Variants in POLE4 observed in about 807,000 individuals in gnomAD.
POLE4 encodes the protein DNA polymerase epsilon 4, accessory subunit.
Under a neutral mutation model 15.6 loss-of-function variants are expected in POLE4, and 15 were observed. The observed-to-expected ratio is 0.96, with a 90% CI of 0.64 to 1.48. POLE4 has a LOEUF of 1.48. Among genes scored for constraint, POLE4 ranks in the 40% most tolerant of loss-of-function variants. POLE4 has a pLI of 0.00. For missense variants in POLE4, 205 were observed against 151.9 expected (o/e 1.35, Z -1.84); for synonymous variants, 83 against 63.2 (o/e 1.31, Z -1.49).
chr2:74,965,012 A>G (rs1360839671), intron 3 of POLE4, among the ~76,000 whole-genome samples: 1 of 151,814 alleles, frequency 6.6e-6, no homozygotes, highest in Non-Finnish European at 1.5e-5. Flanking sequence ...ATCCCTGTTT[A>G]TAAAAGAGAT....
chr2:74,960,178 G>A lies in POLE4; in HGVS notation c.340+32G>A, dbSNP rs141804663. 4.6e-4 allele frequency: 729 copies of A among 1,578,128 alleles called. 5 individuals carry two copies. In the African/African-American group the frequency reaches 7.6e-3, roughly 17 times the overall value. ...TCCCTCTCAGTGGGCAATCATTTCCGCCTGTCTTTTGCATGTTGATGTGAA... is the reference window on the plus strand; with the variant it reads ...TCCCTCTCAGTGGGCAATCATTTCCACCTGTCTTTTGCATGTTGATGTGAA... On this transcript the variant is annotated intron_variant, in intron 3 of 3. Transcript: ENST00000483063.
chr2:74,969,110 ATTCTT>A (rs1419611723), intron 3 of POLE4, among the ~76,000 whole-genome samples: 1 of 152,116 alleles, frequency 6.6e-6, no homozygotes, highest in Non-Finnish European at 1.5e-5. Flanking sequence ...TTTATTTTAT[ATTCTT>A]TTCTTATATG....
intron 3 of POLE4, among the ~76,000 whole-genome samples, chr2:74,964,635 TG>T (rs1671270974): frequency 6.6e-6 from 1 of 152,174 alleles, no homozygotes; most frequent in African/African-American, 2.4e-5. Flanking sequence ...GAAATATAAT[TG>T]ATTTTATGTT....
intron 2 of POLE4, 35 bp downstream of exon 2, chr2:74,959,460 G>T: frequency 7.2e-7 from 1 of 1,382,080 alleles, no homozygotes; most frequent in Non-Finnish European, 1.0e-6. Context: ...GGACAGACAA[G>T]GGAGGGCTGG....
intron 1 of POLE4, chr2:74,959,110 T>C: frequency 3.3e-6 from 2 of 609,322 alleles, no homozygotes; most frequent in Non-Finnish European, 5.8e-6. Flanking sequence ...CTTTAATTTG[T>C]ATCTCCAGGG....
At position 74,958,673 on chromosome 2, in the gene POLE4, G is replaced by C. The variant is rs373028668; in HGVS notation, c.-7G>C. 5 of 1,450,246 alleles carry C rather than the reference G, an allele frequency of 3.4e-6. No homozygotes were observed. Among genetic ancestry groups the C allele is most frequent in the Non-Finnish European group, 4.5e-6 (5 of 1,107,958 alleles). 89.8% of individuals were successfully genotyped at this position (1,450,246 alleles called of 1,614,324 possible). On this transcript the variant is annotated 5_prime_UTR_variant, in exon 1 of 4. Transcript: ENST00000483063. ...CGGCGGCCGCGCGCAGCACGCTCAAGGCCGGGATGGCGGCGGCGGCGGCGG... is the reference window on the plus strand; with the variant it reads ...CGGCGGCCGCGCGCAGCACGCTCAACGCCGGGATGGCGGCGGCGGCGGCGG...
rs1671158374 is a variant in POLE4 at position 74,958,649 on chromosome 2, G to C, written c.-31G>C. ...CTGCGCCGCATGCGCGCGCACAGTCGGCGGCCGCGCGCAGCACGCTCAAGG... is the reference window on the plus strand; with the variant it reads ...CTGCGCCGCATGCGCGCGCACAGTCCGCGGCCGCGCGCAGCACGCTCAAGG... On this transcript the variant is annotated 5_prime_UTR_variant, in exon 1 of 4. Transcript: ENST00000483063. 1.4e-6 allele frequency: 2 copies of C among 1,393,176 alleles called. No individual in the cohort carries two copies. Among genetic ancestry groups the C allele is most frequent in the Non-Finnish European group, 1.9e-6 (2 of 1,079,274 alleles). The allele number at this position is 1,393,176 out of a possible 1,614,324, so 86.3% of individuals were successfully genotyped here.
At position 74,958,771 on chromosome 2, in the gene POLE4, C is replaced by A. The variant is rs748922338; in HGVS notation, c.92C>A (p.Thr31Lys). 77 of 1,546,006 alleles carry A rather than the reference C, an allele frequency of 5.0e-5. No individual in the cohort carries two copies. The highest frequency in any genetic ancestry group is 6.4e-5 in the Non-Finnish European group (73 of 1,144,714). The change falls in exon 1 of 4, where the codon ACG (threonine) becomes AAG (lysine). Residue 31 changes from threonine (T) to lysine (K), a missense_variant. Transcript: ENST00000483063. ...GCGGCCTCGCAGCCCCAGGCCCCAACGAGTGTGCCTGGGGCTCGTCTCTCG... is the reference window on the plus strand; with the variant it reads ...GCGGCCTCGCAGCCCCAGGCCCCAAAGAGTGTGCCTGGGGCTCGTCTCTCG... ...EAAASQPQAP[T>K]SVPGARLSRL...
intron 3 of POLE4, among the ~76,000 whole-genome samples, chr2:74,962,208 T>C (rs1402972047): frequency 6.6e-6 from 1 of 152,200 alleles, no homozygotes; most frequent in Non-Finnish European, 1.5e-5. Context: ...TTTCTTTACC[T>C]TTACAGTTTA....
Position 74,966,155 on chromosome 2 carries a change from A to T in POLE4, c.341-3254A>T, listed in dbSNP as rs548430586. Among the ~76,000 whole-genome samples, 5 of 151,372 alleles carry T rather than the reference A, an allele frequency of 3.3e-5. No homozygotes were observed. The South Asian group carries it at 1.0e-3, about 31-fold the overall frequency. ...CTCTATTTCTATTCTTTTAGTGATT[A>T]TCAGTTACTATGTAAGTCCTTAATT... On this transcript the variant is annotated intron_variant, in intron 3 of 3. Coordinates refer to ENST00000483063, the MANE Select transcript of POLE4 (RefSeq NM_019896.4).
chr2:74,961,671 C>T (rs1671222435), intron 3 of POLE4, among the ~76,000 whole-genome samples: 1 of 152,192 alleles, frequency 6.6e-6, no homozygotes, highest in African/African-American at 2.4e-5. Flanking sequence ...GCCTCTATCA[C>T]AGCATAGTGC....
chr2:74,966,035 TTGTTTTA>T (rs1384824631), intron 3 of POLE4, among the ~76,000 whole-genome samples: 1 of 151,792 alleles, frequency 6.6e-6, no homozygotes, highest in East Asian at 1.9e-4. Flanking sequence ...TTTTATTTGC[TTGTTTTA>T]TGTTTTGTTT....
chr2:74,959,993 A>G, intron 2 of POLE4, 112 bp from the exon 3 acceptor site: 3 of 803,590 alleles, frequency 3.7e-6, no homozygotes. Flanking sequence ...CGCATCTTAT[A>G]AATGCCCTCA....
rs534637841 is a variant in POLE4, at chr2:74,961,654, C to T, written c.340+1508C>T. The T allele has an allele frequency of 7.2e-5, 11 of 152,272 alleles. No individual in the cohort carries two copies. The South Asian group carries it at 2.3e-3, about 32-fold the overall frequency. The allele number at this position is 152,272 out of a possible 1,614,324, so 9.4% of individuals were successfully genotyped here. On this transcript the variant is annotated intron_variant, in intron 3 of 3. Transcript: ENST00000483063. ...AGTGGGGTGGTCTTATGTAGTTTTC[C>T]ACTCTAGCCTCTATCACAGCATAGT...
At chr2:74,964,377 T>A (rs1221836537) in intron 3 of POLE4, among the ~76,000 whole-genome samples, 2 of 152,184 alleles carry the variant, frequency 1.3e-5, no homozygotes, top group African/African-American at 4.8e-5. Flanking sequence ...AGATATTAAT[T>A]GGGATTGTAT....
intron 3 of POLE4, among the ~76,000 whole-genome samples, chr2:74,968,574 G>A (rs567935280): frequency 2.6e-5 from 4 of 151,364 alleles, no homozygotes; most frequent in East Asian, 2.0e-4. Flanking sequence ...GGCTGTTCTA[G>A]TTTTCTCCAT....
rs867770079 is a variant in POLE4, at chr2:74,958,740, G to A, written c.61G>A (p.Glu21Lys). Reference sequence around the variant, plus strand: ...CCGAGAGGAGGAGGGACCTGCTGGGGAGGCAGCGGCCTCGCAGCCCCAGGC... The same window carrying A: ...CCGAGAGGAGGAGGGACCTGCTGGGAAGGCAGCGGCCTCGCAGCCCCAGGC... ...TPREEEGPAGEAAASQPQAPT... is the reference protein window; with the variant it reads ...TPREEEGPAGKAAASQPQAPT... Residue 21 changes from glutamate to lysine, a missense_variant, in exon 1 of 4, where the codon GAG becomes AAG. Glu to Lys is a moderately conservative substitution (Grantham distance 56). Transcript: ENST00000483063. The A allele has an allele frequency of 6.5e-6, 10 of 1,529,410 alleles. No individual in the cohort carries two copies. The Middle Eastern group carries it at 5.1e-4, about 78-fold the overall frequency. 94.7% of individuals were successfully genotyped at this position (1,529,410 alleles called of 1,614,324 possible). A position where few individuals can be genotyped will look rare whatever the true frequency, so the allele number is the denominator to read the frequency against.
intron 3 of POLE4, among the ~76,000 whole-genome samples, chr2:74,962,775 C>T (rs981876617): frequency 3.3e-5 from 5 of 152,168 alleles, no homozygotes; most frequent in African/African-American, 7.2e-5. Context: ...TCCCCTTTCC[C>T]GACATTACTG....
At chr2:74,965,885 A>G (rs1245498029) in intron 3 of POLE4, among the ~76,000 whole-genome samples, 2 of 152,080 alleles carry the variant, frequency 1.3e-5, no homozygotes, top group Non-Finnish European at 2.9e-5. Context: ...CTTTCCATAT[A>G]TTTGTGAACA....
Sources: allele counts gnomAD v4.1 joint callset (sites outside exome capture counted in the v4.1 genomes callset), GRCh38; gene constraint gnomAD v4.1.1; transcripts MANE v1.5; gene names NCBI Gene and HGNC (gene_info 2026-07-23, HGNC 2026-07-21).